Variants in NRXN3 observed in about 807,000 individuals in gnomAD.
The protein encoded by NRXN3 is neurexin III.
In NRXN3, 32 loss-of-function variants were observed where a neutral mutation model predicts 137.6. The ratio of observed to expected loss-of-function variants is 0.23; its 90% CI spans 0.18 to 0.31. The LOEUF is 0.31. Ranked by LOEUF, NRXN3 falls within the 10% of genes least tolerant of loss-of-function variation. The pLI is 1.00. For synonymous variants in NRXN3, 798 were observed against 784.5 expected, an observed-to-expected ratio of 1.02 and a Z score of -0.29; for missense variants, 1,574 against 2,062.5, an observed-to-expected ratio of 0.76 and a Z score of 4.59.
At chr14:79,262,626 G>C (rs548393081) in intron 15 of NRXN3, among the ~76,000 whole-genome samples, 1 of 152,306 alleles carries the variant, frequency 6.6e-6, no homozygotes, top group South Asian at 2.1e-4. Flanking sequence ...TTTGTCAAAA[G>C]CATAATGCTT....
In NRXN3 at chr14:78,803,750, G is replaced by A. The variant is rs2288140; in HGVS notation, c.2175G>A (p.Thr725=). ...SQRAYGLLVA[T]TSRDSADTLR... ...GAGCTTATGGGCTGCTGGTGGCTAC[G>A]ACCTCCAGGGACTCTGCCGACACCC... The change falls in exon 9 of 21, where the codon ACG becomes ACA. Residue 725 remains threonine, a synonymous_variant. Transcript: ENST00000335750. 90,644 of 1,613,924 alleles carry A rather than the reference G, an allele frequency of 0.056. 3,401 individuals are homozygous for A. The highest frequency in any genetic ancestry group is 0.14 in the African/African-American group (10,153 of 74,992).
chr14:78,418,090 A>G (rs1043379428), intron 4 of NRXN3, among the ~76,000 whole-genome samples: 1 of 152,144 alleles, frequency 6.6e-6, no homozygotes, highest in Admixed American at 6.5e-5. Flanking sequence ...ATTAGTGTGC[A>G]TGTTCTCCAT....
intron 4 of NRXN3, among the ~76,000 whole-genome samples, chr14:78,473,006 T>G (rs1288488555): frequency 6.6e-6 from 1 of 151,860 alleles, no homozygotes; most frequent in Non-Finnish European, 1.5e-5. Flanking sequence ...TGTAATTAAT[T>G]AAGCCTCACA....
rs144185890 is a variant in NRXN3 at position 78,772,490 on chromosome 14, G to T, written c.2045-31130G>T. ...ATAAATCATTCATGACTTTTCCAAAGGAAATAATCCAACTATCTGCTAATA... is the reference window on the plus strand; with the variant it reads ...ATAAATCATTCATGACTTTTCCAAATGAAATAATCCAACTATCTGCTAATA... On this transcript the variant is annotated intron_variant, in intron 8 of 20. Transcript: ENST00000335750. Among the ~76,000 whole-genome samples the T allele has an allele frequency of 1.7e-3, 252 of 152,178 alleles. 2 individuals are homozygous for T. Among genetic ancestry groups the T allele is most frequent in the Middle Eastern group, 6.8e-3 (2 of 294 alleles).
intron 1 of NRXN3, among the ~76,000 whole-genome samples, chr14:78,203,841 TTGTG>T (rs1187712038): frequency 1.3e-5 from 1 of 77,928 alleles, no homozygotes; most frequent in African/African-American, 6.3e-5. Flanking sequence ...TGTGTGTGGT[TTGTG>T]TGTGTGTGTG....
intron 15 of NRXN3, among the ~76,000 whole-genome samples, chr14:79,291,540 G>A (rs2083202586): frequency 6.6e-6 from 1 of 150,850 alleles, no homozygotes; most frequent in African/African-American, 2.4e-5. Context: ...CTTTAAAGAG[G>A]CAGACTCGGA....
At chr14:78,497,322 A>G (rs2095801178) in intron 4 of NRXN3, among the ~76,000 whole-genome samples, 2 of 152,246 alleles carry the variant, frequency 1.3e-5, no homozygotes, top group East Asian at 1.9e-4. Context: ...ATGCAATCAC[A>G]CTGTCTGAGG....
chr14:78,715,578 G>A (rs1372508622), intron 8 of NRXN3, among the ~76,000 whole-genome samples: 1 of 152,186 alleles, frequency 6.6e-6, no homozygotes, highest in Non-Finnish European at 1.5e-5. Context: ...TTGCTGCCTA[G>A]TGGAATATTT....
At chr14:79,605,431 T>C (rs2097994958) in intron 16 of NRXN3, among the ~76,000 whole-genome samples, 1 of 152,174 alleles carries the variant, frequency 6.6e-6, no homozygotes, top group Non-Finnish European at 1.5e-5. Context: ...GATTCTGCCT[T>C]GGGCATATTT....
At chr14:79,817,085 C>G (rs1365741485) in intron 20 of NRXN3, among the ~76,000 whole-genome samples, 2 of 151,890 alleles carry the variant, frequency 1.3e-5, no homozygotes, top group African/African-American at 4.8e-5. Context: ...TTTTTGGTCA[C>G]TCTGTCACCC....
At chr14:79,719,588 C>G (rs1400958928) in intron 19 of NRXN3, among the ~76,000 whole-genome samples, 1 of 151,898 alleles carries the variant, frequency 6.6e-6, no homozygotes, top group Non-Finnish European at 1.5e-5. Flanking sequence ...ACTTTCTAAA[C>G]AAGGAATATA....
chr14:79,570,364 G>T (rs1471961475), intron 16 of NRXN3, among the ~76,000 whole-genome samples: 4 of 152,166 alleles, frequency 2.6e-5, no homozygotes, highest in Non-Finnish European at 1.5e-5. Context: ...AAGCACAGCT[G>T]TCCACAGAAT....
At chr14:79,691,287 C>G (rs1387508135) in intron 17 of NRXN3, among the ~76,000 whole-genome samples, 1 of 151,886 alleles carries the variant, frequency 6.6e-6, no homozygotes, top group Non-Finnish European at 1.5e-5. Context: ...AGAAGTATTC[C>G]TAACAGGCTT....
chr14:78,942,489 G>A (rs940647286), intron 10 of NRXN3, among the ~76,000 whole-genome samples: 4 of 152,214 alleles, frequency 2.6e-5, no homozygotes, highest in African/African-American at 9.7e-5. Context: ...ATTTATTCAA[G>A]TAGGGTTGGG....
At chr14:79,110,680 A>G (rs1454282168) in intron 15 of NRXN3, among the ~76,000 whole-genome samples, 1 of 152,106 alleles carries the variant, frequency 6.6e-6, no homozygotes, top group African/African-American at 2.4e-5. Flanking sequence ...TAGTTATGTA[A>G]ATGTTAACAT....
rs558021133 is a variant in NRXN3 at position 79,492,430 on chromosome 14, T to C, written c.3444+25028T>C. Among the ~76,000 whole-genome samples the C allele has an allele frequency of 3.9e-5, 6 of 152,236 alleles. No homozygotes were observed. The East Asian group carries it at 1.2e-3, about 30-fold the overall frequency. ...CAGGGTCTCACTCTGTTGCCCAGGC[T>C]GGAGTGCAGTGGCGCCATCTCGCCT... On this transcript the variant is annotated intron_variant, in intron 16 of 20. Coordinates refer to ENST00000335750, the MANE Select transcript of NRXN3 (RefSeq NM_001330195.2).
chr14:78,571,729 G>A (rs1216899228), intron 4 of NRXN3, among the ~76,000 whole-genome samples: 7 of 152,082 alleles, frequency 4.6e-5, no homozygotes, highest in African/African-American at 7.2e-5. Flanking sequence ...CAAAGTGCAC[G>A]CACATATTGG....
intron 20 of NRXN3, among the ~76,000 whole-genome samples, chr14:79,808,268 A>ATC (rs1419886901): frequency 4.9e-5 from 7 of 144,040 alleles, no homozygotes; most frequent in Admixed American, 2.8e-4. Flanking sequence ...ATATATATAT[A>ATC]TATATATGTA....
chr14:78,552,123 G>T (rs1008287172), intron 4 of NRXN3, among the ~76,000 whole-genome samples: 55 of 152,286 alleles, frequency 3.6e-4, no homozygotes, highest in African/African-American at 1.3e-3. Flanking sequence ...TTGGATTTCA[G>T]TCCTAAGTCT....
Sources: gnomAD v4.1 joint callset for allele counts (sites outside exome capture counted in the v4.1 genomes callset) on GRCh38, gnomAD v4.1.1 for gene constraint, MANE v1.5 for transcripts, NCBI Gene and HGNC (gene_info 2026-07-23, HGNC 2026-07-21) for gene names.